LRBA: variants seen among roughly 807,000 people sequenced by gnomAD.
The protein encoded by LRBA is lipopolysaccharide-responsive and beige-like anchor protein.
LRBA carries 176 observed loss-of-function variants against 330.0 expected under a neutral mutation model. The observed-to-expected ratio is 0.53, with a 90% CI of 0.47 to 0.60. The LOEUF is 0.60. Among genes scored for constraint, LRBA ranks in the 20% least tolerant of loss-of-function variants. LRBA has a pLI of 0.00. For missense variants in LRBA, 3,259 were observed against 3,444.8 expected, an observed-to-expected ratio of 0.95 and a Z score of 1.35; for synonymous variants, 1,230 against 1,193.0, an observed-to-expected ratio of 1.03 and a Z score of -0.64.
intron 56 of LRBA, among the ~76,000 whole-genome samples, chr4:150,268,372 C>T (rs553001825): frequency 6.6e-6 from 1 of 152,334 alleles, no homozygotes; most frequent in East Asian, 1.9e-4. Context: ...AACACCAATC[C>T]TTCTCAATTT....
chr4:150,978,577 C>T (rs1307210654), intron 2 of LRBA, among the ~76,000 whole-genome samples: 2 of 152,098 alleles, frequency 1.3e-5, no homozygotes, highest in Non-Finnish European at 2.9e-5. Flanking sequence ...GATATGTGGC[C>T]TTTTAGGCAC....
At chr4:150,975,673 A>C (rs187471338) in intron 2 of LRBA, among the ~76,000 whole-genome samples, 1 of 152,132 alleles carries the variant, frequency 6.6e-6, no homozygotes, top group African/African-American at 2.4e-5. Context: ...AGAAGTAAAA[A>C]CCTATTAAGC....
intron 37 of LRBA, among the ~76,000 whole-genome samples, chr4:150,636,430 A>G (rs1777918724): frequency 6.6e-6 from 1 of 151,988 alleles, no homozygotes; most frequent in Non-Finnish European, 1.5e-5. Context: ...TCCTTCTTAC[A>G]TGTCTCCATC....
intron 31 of LRBA, 119 bp downstream of exon 31, chr4:150,817,000 TCAACA>T: frequency 1.4e-6 from 1 of 733,362 alleles, no homozygotes; most frequent in Admixed American, 2.5e-5. Context: ...TAGTAAACAA[TCAACA>T]GTATAAAAGT....
intron 37 of LRBA, among the ~76,000 whole-genome samples, chr4:150,651,778 C>G (rs533947555): frequency 9.8e-4 from 149 of 152,072 alleles, no homozygotes; most frequent in Non-Finnish European, 1.8e-3. Context: ...AACAATAAGC[C>G]CATGCTACAA....
intron 44 of LRBA, among the ~76,000 whole-genome samples, chr4:150,453,385 T>C (rs1421548380): frequency 6.6e-6 from 1 of 152,128 alleles, no homozygotes; most frequent in Non-Finnish European, 1.5e-5. Context: ...CCGATTGATT[T>C]CCAACAAAGA....
In LRBA at chr4:150,802,857, T is replaced by A. The variant is rs1031308325; in HGVS notation, c.5518+3414A>T. Among the ~76,000 whole-genome samples, 5 of 151,550 alleles carry A rather than the reference T, an allele frequency of 3.3e-5. No individual in the cohort carries two copies. In the South Asian group the frequency reaches 6.2e-4, roughly 19 times the overall value. On this transcript the variant is annotated intron_variant, in intron 33 of 56. Transcript: ENST00000651943. Reference sequence around the variant, plus strand: ...GGGCAATGTGGCGAAACCCCATCTCTACAAAATATACAAAATTTAGCCAGC... The same window carrying A: ...GGGCAATGTGGCGAAACCCCATCTCAACAAAATATACAAAATTTAGCCAGC...
chr4:150,435,608 C>T lies in LRBA; in HGVS notation c.7022G>A (p.Arg2341His), dbSNP rs371873204. ...CTGTACCTTAATATCAGAGGTATCA[C>T]GCTGACTGTTTCGCCAAGCTCTGGA... is the stretch of plus-strand genomic sequence containing the variant. ...SISRAWRNSQ[R>H]DTSDIKELIP... The change falls in exon 46 of 57, where the codon CGT (arginine) becomes CAT (histidine). Residue 2341 changes from arginine (R) to histidine (H), a missense_variant. By Grantham distance (29) the Arg-to-His change is conservative. Transcript: ENST00000651943. 1.2e-4 allele frequency: 189 copies of T among 1,612,620 alleles called. 1 individual carries two copies. The highest frequency in any genetic ancestry group is 4.7e-4 in the South Asian group (43 of 90,726).
At chr4:150,390,764 G>A (rs1743798245) in intron 47 of LRBA, among the ~76,000 whole-genome samples, 1 of 152,056 alleles carries the variant, frequency 6.6e-6, no homozygotes, top group Admixed American at 6.6e-5. Context: ...GTGATACCAG[G>A]AGAGGAAAGC....
intron 34 of LRBA, among the ~76,000 whole-genome samples, chr4:150,781,078 G>A (rs1021823199): frequency 2.0e-5 from 3 of 151,822 alleles, no homozygotes; most frequent in Non-Finnish European, 4.4e-5. Flanking sequence ...ACAGGGTTTC[G>A]CCATGTTAGC....
chr4:150,944,184 G>A (rs755024396), intron 2 of LRBA, among the ~76,000 whole-genome samples: 83 of 152,274 alleles, frequency 5.5e-4, no homozygotes, highest in Admixed American at 1.0e-3. Context: ...GCTGATAAAT[G>A]TTTATCACTG....
intron 35 of LRBA, among the ~76,000 whole-genome samples, chr4:150,750,431 T>C (rs938203323): frequency 1.3e-5 from 2 of 152,196 alleles, no homozygotes; most frequent in Non-Finnish European, 1.5e-5. Flanking sequence ...CAATCCTCTT[T>C]CCCTCTAAGG....
In LRBA at chr4:150,583,259, T is replaced by C. The variant is rs1037114694; in HGVS notation, c.6330+4789A>G. 1 of 1,614,176 alleles carries C rather than the reference T, an allele frequency of 6.2e-7. No individual in the cohort carries two copies. Among genetic ancestry groups the C allele is most frequent in the African/African-American group, 1.3e-5 (1 of 75,042 alleles). On this transcript the variant is annotated intron_variant, in intron 40 of 56. Transcript: ENST00000651943. This position sits in a 1 kb window ranked among gnomAD's most constrained non-coding sequence, Gnocchi z 9.8. ...ATTTCGCCCACCGAATTTGAGGTGG[T>C]GCTCTACCTAAACCAGATGGGCGTC...
intron 2 of LRBA, among the ~76,000 whole-genome samples, chr4:150,970,201 C>T (rs905630643): frequency 1.3e-5 from 2 of 151,996 alleles, no homozygotes; most frequent in African/African-American, 4.8e-5. Flanking sequence ...GTATTACACA[C>T]TTAACAGACT....
At chr4:150,992,978 G>A (rs780673153) in intron 2 of LRBA, among the ~76,000 whole-genome samples, 6 of 152,030 alleles carry the variant, frequency 3.9e-5, no homozygotes, top group Non-Finnish European at 5.9e-5. Flanking sequence ...TAGCAGAATA[G>A]TTATTTTAAA....
At chr4:150,671,035 TGTGTGTGA>T (rs1782011968) in intron 37 of LRBA, among the ~76,000 whole-genome samples, 6 of 147,650 alleles carry the variant, frequency 4.1e-5, no homozygotes, top group South Asian at 2.2e-4. Context: ...TGTGTGTGTG[TGTGTGTGA>T]GAGAGAGAGA....
intron 49 of LRBA, among the ~76,000 whole-genome samples, chr4:150,323,463 C>T (rs1018930098): frequency 5.3e-5 from 8 of 152,120 alleles, no homozygotes; most frequent in Non-Finnish European, 8.8e-5. Flanking sequence ...TGTTTATGCC[C>T]TTAAAAAACA....
intron 22 of LRBA, among the ~76,000 whole-genome samples, chr4:150,855,046 T>C (rs907118043): frequency 2.0e-5 from 3 of 152,082 alleles, no homozygotes; most frequent in African/African-American, 7.2e-5. Context: ...TCACCTGAGG[T>C]CAGGAGTTTG....
chr4:150,350,505 G>A (rs186870189), intron 47 of LRBA, among the ~76,000 whole-genome samples: 12 of 151,478 alleles, frequency 7.9e-5, no homozygotes, highest in African/African-American at 2.7e-4. Context: ...GGGAGGCAGA[G>A]GTTGCAGTGA....
Sources: allele counts gnomAD v4.1 joint callset (sites outside exome capture counted in the v4.1 genomes callset), GRCh38; gene constraint gnomAD v4.1.1; non-coding constraint Gnocchi (gnomAD v3.1); transcripts MANE v1.5; gene names NCBI Gene and HGNC (gene_info 2026-07-23, HGNC 2026-07-21).